Variants in VPS13A observed in about 807,000 individuals in gnomAD.
VPS13A encodes intermembrane lipid transfer protein VPS13A.
VPS13A carries 264 observed loss-of-function variants against 390.9 expected under a neutral mutation model. The observed-to-expected ratio is 0.68, with a 90% confidence interval of 0.61 to 0.75. The LOEUF is 0.75. Ranked by LOEUF, VPS13A falls within the 30% of genes least tolerant of loss-of-function variation. The pLI, the probability that VPS13A is intolerant of heterozygous loss-of-function variation, is 0.00. For missense variants in VPS13A, 3,409 were observed against 3,733.9 expected (o/e 0.91, Z 2.27); for synonymous variants, 1,231 against 1,227.1 (o/e 1.00, Z -0.07).
At chr9:77,254,237 C>G (rs1474170924) in intron 22 of VPS13A, among the ~76,000 whole-genome samples, 1 of 152,160 alleles carries the variant, frequency 6.6e-6, no homozygotes, top group African/African-American at 2.4e-5. Flanking sequence ...GCCACTGCTC[C>G]CGGCCTTATT....
intron 63 of VPS13A, among the ~76,000 whole-genome samples, chr9:77,369,680 A>G (rs527592166): frequency 2.0e-5 from 3 of 152,288 alleles, no homozygotes; most frequent in African/African-American, 7.2e-5. Context: ...AAAGAAGATC[A>G]CCACATCTTG....
chr9:77,375,093 C>G (rs1016055664), intron 67 of VPS13A, among the ~76,000 whole-genome samples: 1 of 152,080 alleles, frequency 6.6e-6, no homozygotes, highest in Non-Finnish European at 1.5e-5. Context: ...ATCAGAGAAG[C>G]TCAAAAGTCA....
At chr9:77,220,210 C>T in intron 11 of VPS13A, 67 bp from the exon 12 acceptor site, 1 of 1,526,032 alleles carries the variant, frequency 6.6e-7, no homozygotes, top group Non-Finnish European at 9.0e-7. Flanking sequence ...AGTAATGTAA[C>T]TTTTATCTTC....
chr9:77,412,123 G>C (rs1047964390), intron 71 of VPS13A, among the ~76,000 whole-genome samples: 1 of 152,104 alleles, frequency 6.6e-6, no homozygotes, highest in African/African-American at 2.4e-5. Context: ...ACCAAAAAAA[G>C]TCCAGGACCA....
chr9:77,316,989 C>T (rs1257501886), intron 39 of VPS13A, among the ~76,000 whole-genome samples: 1 of 151,964 alleles, frequency 6.6e-6, no homozygotes, highest in African/African-American at 2.4e-5. Context: ...CGAATACTTA[C>T]AAAAATATTT....
chr9:77,326,459 T>G (rs1830025529), intron 45 of VPS13A, among the ~76,000 whole-genome samples: 1 of 152,050 alleles, frequency 6.6e-6, no homozygotes, highest in East Asian at 1.9e-4. Flanking sequence ...TTTTTCCTCG[T>G]TTCTTTTTTC....
At chr9:77,339,023 G>A (rs576993211) in intron 47 of VPS13A, 1 of 174,452 alleles carries the variant, frequency 5.7e-6, no homozygotes, top group Non-Finnish European at 1.2e-5. Context: ...TGAGCAGTTT[G>A]GAGAGATACA....
intron 8 of VPS13A, 63 bp from the exon 9 acceptor site, chr9:77,213,171 G>A (rs1826067116): frequency 1.6e-5 from 25 of 1,564,368 alleles, no homozygotes; most frequent in Non-Finnish European, 1.7e-5. Flanking sequence ...TGAGACTTCT[G>A]AAAATAGTGT....
At chr9:77,387,003 CGA>C (rs1563982643) in intron 68 of VPS13A, among the ~76,000 whole-genome samples, 2 of 152,032 alleles carry the variant, frequency 1.3e-5, no homozygotes, top group African/African-American at 4.8e-5. Context: ...CGCACCCAGC[CGA>C]GATCTGCTCT....
intron 33 of VPS13A, among the ~76,000 whole-genome samples, chr9:77,297,814 A>G (rs1346538567): frequency 6.6e-6 from 1 of 152,166 alleles, no homozygotes; most frequent in Non-Finnish European, 1.5e-5. Context: ...GGGCTGGTGC[A>G]TAAAATGGGA....
At chr9:77,380,318 G>A (rs1833357083) in intron 67 of VPS13A, among the ~76,000 whole-genome samples, 1 of 151,312 alleles carries the variant, frequency 6.6e-6, no homozygotes, top group African/African-American at 2.4e-5. Flanking sequence ...TTTTACTTAT[G>A]TATTTATTTT....
intron 68 of VPS13A, among the ~76,000 whole-genome samples, chr9:77,395,484 A>T (rs902252322): frequency 6.6e-6 from 1 of 152,232 alleles, no homozygotes; most frequent in African/African-American, 2.4e-5. Context: ...AAAGTTTGAA[A>T]TATTGTAAGA....
chr9:77,253,577 T>C lies in VPS13A; in HGVS notation c.2288+1225T>C, dbSNP rs191790233. Among the ~76,000 whole-genome samples the C allele has an allele frequency of 1.7e-3, 266 of 152,276 alleles. 2 individuals are homozygous for C. Among genetic ancestry groups the C allele is most frequent in the African/African-American group, 5.8e-3 (241 of 41,568 alleles). On this transcript the variant is annotated intron_variant, in intron 22 of 71. Coordinates refer to ENST00000360280, the MANE Select transcript of VPS13A (RefSeq NM_033305.3). ...GCCTCAGCCTCCCAAAGTGCTGGGA[T>C]TACAGGCATGAGCTGCCGCACCCGG...
intron 68 of VPS13A, among the ~76,000 whole-genome samples, chr9:77,398,370 G>A (rs770530368): frequency 4.6e-5 from 7 of 152,134 alleles, no homozygotes; most frequent in Non-Finnish European, 1.0e-4. Context: ...CCCCAAGCAA[G>A]TCACTTAGAT....
In VPS13A at chr9:77,367,795, T is replaced by C. The variant is rs140401770; in HGVS notation, c.8472-260T>C. 9.8e-5 allele frequency among the ~76,000 whole-genome samples: 15 copies of C among 152,318 alleles called. No homozygotes were observed. The East Asian group carries it at 2.7e-3, about 27-fold the overall frequency. ...TGGGATTCACAGGATCTCAGAACTC[T>C]CGAATTTACATGAAAATTTATGTGT... On this transcript the variant is annotated intron_variant, in intron 61 of 71. Transcript: ENST00000360280.
chr9:77,222,438 A>G lies in VPS13A; in HGVS notation c.1161+1082A>G, dbSNP rs952989637. On this transcript the variant is annotated intron_variant, in intron 13 of 71. Coordinates refer to ENST00000360280, the MANE Select transcript of VPS13A (RefSeq NM_033305.3). ...ATTTAGCTAATCTCAGCTTATTTCA[A>G]TAGCTATGACAACTATGAAAAGTGT... 2.6e-5 allele frequency among the ~76,000 whole-genome samples: 4 copies of G among 152,212 alleles called. No homozygotes were observed. In the East Asian group the frequency reaches 5.8e-4, roughly 22 times the overall value.
chr9:77,353,760 C>A, intron 54 of VPS13A, 119 bp downstream of exon 54: 1 of 993,190 alleles, frequency 1.0e-6, no homozygotes, highest in Non-Finnish European at 1.5e-6. Flanking sequence ...TTCATTGATA[C>A]TGTGGTAGTG....
chr9:77,405,216 G>A (rs1834547090), intron 69 of VPS13A, among the ~76,000 whole-genome samples: 1 of 152,158 alleles, frequency 6.6e-6, no homozygotes, highest in Admixed American at 6.5e-5. Context: ...AAAATTGGCA[G>A]TAATGGGACT....
intron 23 of VPS13A, among the ~76,000 whole-genome samples, chr9:77,264,056 TC>T: frequency 6.6e-6 from 1 of 152,084 alleles, no homozygotes; most frequent in South Asian, 2.1e-4. Flanking sequence ...AGGGAATCTT[TC>T]CCCCATTGCT....
Sources: gnomAD v4.1 joint callset for allele counts (sites outside exome capture counted in the v4.1 genomes callset) on GRCh38, gnomAD v4.1.1 for gene constraint, MANE v1.5 for transcripts, NCBI Gene and HGNC (gene_info 2026-07-23, HGNC 2026-07-21) for gene names.